PHF21A: variants seen among roughly 807,000 people sequenced by gnomAD.
PHF21A encodes BHC80a.
In PHF21A, 11 loss-of-function variants were observed where a neutral mutation model predicts 82.5. That is an observed-to-expected ratio of 0.13 (90% CI 0.08 to 0.22). PHF21A has a LOEUF of 0.22. PHF21A is among the 10% of genes least tolerant of loss of function. The pLI is 1.00. For missense variants in PHF21A, 579 were observed against 837.8 expected, an observed-to-expected ratio of 0.69 and a Z score of 3.81; for synonymous variants, 297 against 302.8, an observed-to-expected ratio of 0.98 and a Z score of 0.20.
chr11:46,119,105 C>T (rs533889802), intron 1 of PHF21A, among the ~76,000 whole-genome samples: 1 of 46,754 alleles, frequency 2.1e-5, no homozygotes, highest in Non-Finnish European at 4.8e-5. Context: ...GAGTGCACAA[C>T]TGCTTTAAAA....
intron 6 of PHF21A, among the ~76,000 whole-genome samples, chr11:45,984,341 A>T (rs2094420287): frequency 6.6e-6 from 1 of 152,206 alleles, no homozygotes; most frequent in Non-Finnish European, 1.5e-5. Flanking sequence ...ACTGCTCCAT[A>T]AACCCAGCAT....
At chr11:46,010,334 T>A (rs2095386193) in intron 6 of PHF21A, among the ~76,000 whole-genome samples, 1 of 152,212 alleles carries the variant, frequency 6.6e-6, no homozygotes, top group Admixed American at 6.5e-5. Flanking sequence ...TAACAAAGGC[T>A]TTTCTCTTAA....
chr11:46,076,649 T>C, intron 6 of PHF21A, 105 bp downstream of exon 6: 3 of 870,514 alleles, frequency 3.4e-6, no homozygotes, highest in Non-Finnish European at 5.4e-6. Context: ...CTGCCCACAC[T>C]TATTTTCACA....
chr11:46,022,448 C>T (rs1821277929), intron 6 of PHF21A, among the ~76,000 whole-genome samples: 1 of 151,978 alleles, frequency 6.6e-6, no homozygotes, highest in Non-Finnish European at 1.5e-5. Flanking sequence ...AAGTGAGACC[C>T]TGTCTCTTAA....
chr11:46,068,334 T>C (rs1035123732), intron 6 of PHF21A, among the ~76,000 whole-genome samples: 11 of 152,104 alleles, frequency 7.2e-5, no homozygotes, highest in African/African-American at 2.7e-4. Context: ...GCACAGATCC[T>C]AGAGAAAAGG....
intron 6 of PHF21A, among the ~76,000 whole-genome samples, chr11:46,018,436 C>T (rs549197623): frequency 6.6e-6 from 1 of 152,152 alleles, no homozygotes; most frequent in Admixed American, 6.5e-5. Context: ...TGTATTTGGC[C>T]AGTTGGGAAA....
rs983182129 is a variant in PHF21A at position 45,932,418 on chromosome 11, G to C, written c.*1550C>G. 3.3e-5 allele frequency: 5 copies of C among 152,230 alleles called. No homozygotes were observed. Among genetic ancestry groups the C allele is most frequent in the Admixed American group, 1.3e-4 (2 of 15,280 alleles). The allele number at this position is 152,230 out of a possible 1,614,324, so 9.4% of individuals were successfully genotyped here. ...GATCCCTGCACCAAGAAGAGAGCAC[G>C]GTCTTTTCTGAGGAGAGAGAAGGGT... On this transcript the variant is annotated 3_prime_UTR_variant, in exon 19 of 19. Transcript: ENST00000676320. The surrounding 1 kb of genome is among the most constrained non-coding windows in gnomAD (Gnocchi z 4.3).
intron 6 of PHF21A, among the ~76,000 whole-genome samples, chr11:46,049,107 A>T (rs1001344668): frequency 1.3e-5 from 2 of 152,206 alleles, no homozygotes; most frequent in African/African-American, 4.8e-5. Context: ...AGGAGAGATT[A>T]TCATTGTTGG....
chr11:46,120,881 AAGAG>A (rs1183650832), intron 1 of PHF21A, 50 bp downstream of exon 1: 7 of 152,758 alleles, frequency 4.6e-5, no homozygotes, highest in African/African-American at 7.2e-5. Flanking sequence ...TCCAGAAAAA[AAGAG>A]AGAGAGGAGA....
At chr11:45,956,837 T>C (rs2092677711) in intron 10 of PHF21A, among the ~76,000 whole-genome samples, 1 of 152,198 alleles carries the variant, frequency 6.6e-6, no homozygotes, top group Non-Finnish European at 1.5e-5. Flanking sequence ...CACTTAAATG[T>C]AACTGGATTA....
At chr11:46,052,062 T>C (rs2096375879) in intron 6 of PHF21A, among the ~76,000 whole-genome samples, 1 of 151,958 alleles carries the variant, frequency 6.6e-6, no homozygotes, top group Non-Finnish European at 1.5e-5. Flanking sequence ...GATCCAGGAG[T>C]AGCATATGAC....
chr11:46,084,049 T>C (rs996880988), intron 4 of PHF21A, 117 bp downstream of exon 4: 5 of 712,314 alleles, frequency 7.0e-6, no homozygotes, highest in Non-Finnish European at 4.4e-6. Context: ...ACATGACTCT[T>C]GGACAAAATT....
At chr11:46,091,686 A>G (rs945225849) in intron 2 of PHF21A, among the ~76,000 whole-genome samples, 1 of 152,246 alleles carries the variant, frequency 6.6e-6, no homozygotes, top group Non-Finnish European at 1.5e-5. Context: ...ATAGAACAGC[A>G]TATTAAGTAA....
chr11:46,103,109 C>T (rs1220354786), intron 1 of PHF21A, among the ~76,000 whole-genome samples: 1 of 152,206 alleles, frequency 6.6e-6, no homozygotes, highest in African/African-American at 2.4e-5. Context: ...ACCCCCGTCA[C>T]ATACAGCACC....
At position 45,935,674 on chromosome 11, in the gene PHF21A, G is replaced by T; in HGVS notation, c.1750C>A (p.Leu584Ile). 1 of 1,488,428 alleles carries T rather than the reference G, an allele frequency of 6.7e-7. No individual in the cohort carries two copies. Among genetic ancestry groups the T allele is most frequent in the Non-Finnish European group, 9.2e-7 (1 of 1,090,248 alleles). The allele number at this position is 1,488,428 out of a possible 1,614,324, so 92.2% of individuals were successfully genotyped here. A position where few individuals can be genotyped will look rare whatever the true frequency, so the allele number is the denominator to read the frequency against. ...SSDLKQEREQ[L>I]EQKVKQLSNS... ...CTGAGCTGTTTCACCTTTTGCTCTA[G>T]TTGTTCTCGTTCTTGTTTTAAATCT... Residue 584 changes from leucine to isoleucine, a missense_variant, in exon 18 of 19, where the codon CTA becomes ATA. By Grantham distance (5) the Leu-to-Ile change is conservative. This residue lies in a region of PHF21A where 157 missense variants were observed against 149.4 expected (regional missense o/e 1.05). Transcript: ENST00000676320.
At chr11:46,011,677 G>A (rs1027486526) in intron 6 of PHF21A, among the ~76,000 whole-genome samples, 9 of 152,166 alleles carry the variant, frequency 5.9e-5, no homozygotes, top group Admixed American at 2.6e-4. Context: ...TCTGACTCCC[G>A]CAGAATACAG....
chr11:46,027,642 C>T (rs2095776828), intron 6 of PHF21A, among the ~76,000 whole-genome samples: 1 of 152,154 alleles, frequency 6.6e-6, no homozygotes, highest in Admixed American at 6.5e-5. Context: ...TACCCAAGTG[C>T]TAAAGACATT....
Position 46,076,824 on chromosome 11 carries a change from T to C in PHF21A, c.88-5A>G, listed in dbSNP as rs1237483618. On this transcript the variant is annotated splice_region_variant and splice_polypyrimidine_tract_variant and intron_variant, in intron 5 of 18. Transcript: ENST00000676320. Reference sequence around the variant, plus strand: ...CTGTTTCTTTAAGTCAGCATTCTGATTGGAAAGAAAAAATATCTGTGAGAA... The same window carrying C: ...CTGTTTCTTTAAGTCAGCATTCTGACTGGAAAGAAAAAATATCTGTGAGAA... 6.2e-7 allele frequency: 1 copy of C among 1,609,686 alleles called. No individual in the cohort carries two copies. The highest frequency in any genetic ancestry group is 8.5e-7 in the Non-Finnish European group (1 of 1,176,126).
intron 6 of PHF21A, among the ~76,000 whole-genome samples, chr11:46,022,098 A>T (rs888233232): frequency 3.9e-5 from 6 of 152,176 alleles, no homozygotes; most frequent in African/African-American, 1.4e-4. Flanking sequence ...AAAATTAATC[A>T]TATGGTTATT....
Sources: allele counts gnomAD v4.1 joint callset (sites outside exome capture counted in the v4.1 genomes callset), GRCh38; gene constraint gnomAD v4.1.1; regional missense constraint gnomAD v4.1.1; non-coding constraint Gnocchi (gnomAD v3.1); transcripts MANE v1.5; gene names NCBI Gene and HGNC (gene_info 2026-07-23, HGNC 2026-07-21).